The following CHN2 variants were observed in gnomAD, a reference collection of about 807,000 sequenced individuals.
CHN2 encodes chimerin 2.
A neutral mutation model predicts 56.3 loss-of-function variants in CHN2; 35 were observed. The ratio of observed to expected loss-of-function variants is 0.62; its 90% CI spans 0.47 to 0.82. CHN2 has a LOEUF of 0.82. Ranked by LOEUF, CHN2 falls within the 40% of genes least tolerant of loss-of-function variation. CHN2 has a pLI of 0.00. For missense variants in CHN2, 491 were observed against 580.5 expected (o/e 0.85, Z 1.58); for synonymous variants, 210 against 212.8 (o/e 0.99, Z 0.12).
chr7:29,404,109 T>C (rs1046793702), intron 6 of CHN2, among the ~76,000 whole-genome samples: 13 of 152,172 alleles, frequency 8.5e-5, no homozygotes, highest in African/African-American at 2.9e-4. Flanking sequence ...ACTGAGCAGT[T>C]GTGCCTCATT....
At chr7:29,147,179 C>T in intron 2 of CHN2, 1 of 626,050 alleles carries the variant, frequency 1.6e-6, no homozygotes, top group Non-Finnish European at 2.7e-6. Context: ...TCGAGCCAGA[C>T]AGTACGGGAG....
At chr7:29,295,472 A>T (rs1793068529) in intron 1 of CHN2, among the ~76,000 whole-genome samples, 1 of 152,116 alleles carries the variant, frequency 6.6e-6, no homozygotes, top group Non-Finnish European at 1.5e-5. Context: ...CTTTAAAAAA[A>T]AAAATCAGGG....
intron 6 of CHN2, among the ~76,000 whole-genome samples, chr7:29,433,771 G>A (rs2065085039): frequency 1.3e-5 from 2 of 151,770 alleles, no homozygotes; most frequent in Non-Finnish European, 2.9e-5. Flanking sequence ...CCCAGGAGAC[G>A]GAGGTTGCAA....
rs148092270 is a variant in CHN2, at chr7:29,276,367, C to G, written c.50-78258C>G. Among the ~76,000 whole-genome samples the G allele has an allele frequency of 4.6e-4, 70 of 152,244 alleles. No individual in the cohort carries two copies. The East Asian group carries it at 0.011, about 25-fold the overall frequency. On this transcript the variant is annotated intron_variant, in intron 1 of 12. Transcript: ENST00000222792. ...TTTCTCAGGTTGACTGGAGGCTGTC[C>G]CATGGGGCCTGGATATTATTTCCCT...
Position 29,203,985 on chromosome 7 carries a change from C to T in CHN2, c.49+8995C>T, listed in dbSNP as rs898470988. On this transcript the variant is annotated intron_variant, in intron 1 of 12. Transcript: ENST00000222792. ...TGTATTTTTGTTAGATTTATGTATA[C>T]GCCTCCTTCCAAAGAAAGCCTGCAA... 6.6e-5 allele frequency among the ~76,000 whole-genome samples: 10 copies of T among 151,946 alleles called. No individual in the cohort carries two copies. The South Asian group carries it at 1.7e-3, about 25-fold the overall frequency.
At chr7:29,396,076 A>G (rs1256358037) in intron 4 of CHN2, among the ~76,000 whole-genome samples, 2 of 152,182 alleles carry the variant, frequency 1.3e-5, no homozygotes, top group Non-Finnish European at 2.9e-5. Context: ...TACAATAATT[A>G]TATATCAATT....
rs536336188 is a variant in CHN2, at chr7:29,326,082, T to C, written c.50-28543T>C. ...ACTATAGTTGGCTGTGTGTCCTATA[T>C]GCAAGTCACGTCACCTCTTTGGGTC... On this transcript the variant is annotated intron_variant, in intron 1 of 12. Coordinates refer to ENST00000222792, the MANE Select transcript of CHN2 (RefSeq NM_004067.4). Among the ~76,000 whole-genome samples, 5 of 152,340 alleles carry C rather than the reference T, an allele frequency of 3.3e-5. No homozygotes were observed. The East Asian group carries it at 5.8e-4, about 18-fold the overall frequency.
rs1787128654 is a variant in CHN2 at position 29,235,631 on chromosome 7, C to T, written c.49+40641C>T. 2.0e-5 allele frequency among the ~76,000 whole-genome samples: 3 copies of T among 152,284 alleles called. No individual in the cohort carries two copies. In the South Asian group the frequency reaches 6.2e-4, roughly 32 times the overall value. On this transcript the variant is annotated intron_variant, in intron 1 of 12. Transcript: ENST00000222792. Reference sequence around the variant, plus strand: ...ATTCACAATAGCAAAGACATGGAATCAATGTAGATGTCTATCAACAGCAAA... The same window carrying T: ...ATTCACAATAGCAAAGACATGGAATTAATGTAGATGTCTATCAACAGCAAA...
chr7:29,406,856 C>T (rs1176227784), intron 6 of CHN2, among the ~76,000 whole-genome samples: 1 of 152,182 alleles, frequency 6.6e-6, no homozygotes, highest in Non-Finnish European at 1.5e-5. Flanking sequence ...CAGTGGGAGG[C>T]AGAGGCTACT....
chr7:29,445,168 G>A (rs1321946100), intron 6 of CHN2: 1 of 455,816 alleles, frequency 2.2e-6, no homozygotes, highest in Non-Finnish European at 4.4e-6. Flanking sequence ...GTACATGTAA[G>A]TAGACTAGTG....
rs190685112 is a variant in CHN2 at position 29,211,805 on chromosome 7, C to G, written c.49+16815C>G. The stretch of plus-strand genomic sequence containing the variant: ...TTGTTAATTTTTTTAACTTGCTACA[C>G]TGCGTAGCACTATTTTATTGAATGA... On this transcript the variant is annotated intron_variant, in intron 1 of 12. Coordinates refer to ENST00000222792, the MANE Select transcript of CHN2 (RefSeq NM_004067.4). 2.0e-3 allele frequency among the ~76,000 whole-genome samples: 299 copies of G among 152,012 alleles called. 1 individual carries two copies. The highest frequency in any genetic ancestry group is 7.0e-3 in the African/African-American group (291 of 41,436).
At chr7:29,453,987 A>G (rs988427282) in intron 6 of CHN2, among the ~76,000 whole-genome samples, 1 of 152,150 alleles carries the variant, frequency 6.6e-6, no homozygotes, top group African/African-American at 2.4e-5. Flanking sequence ...TCCACCTCAT[A>G]TAAATGGCCC....
intron 1 of CHN2, among the ~76,000 whole-genome samples, chr7:29,325,661 T>C (rs1168857226): frequency 6.6e-6 from 1 of 152,240 alleles, no homozygotes; most frequent in Non-Finnish European, 1.5e-5. Context: ...TTTGCAAAGC[T>C]GCTAACTCAG....
At chr7:29,504,852 A>T (rs73684725) in intron 10 of CHN2, 31 bp downstream of exon 10, 2 of 1,452,868 alleles carry the variant, frequency 1.4e-6, no homozygotes, top group South Asian at 2.3e-5. Context: ...ATGCCATCTG[A>T]CATCCTAACA....
intron 3 of CHN2, among the ~76,000 whole-genome samples, chr7:29,390,812 C>G (rs1801304467): frequency 6.6e-6 from 1 of 152,166 alleles, no homozygotes; most frequent in African/African-American, 2.4e-5. Flanking sequence ...CACGGAGGTT[C>G]TTAGTCTCTT....
intron 2 of CHN2, among the ~76,000 whole-genome samples, chr7:29,177,914 G>A (rs1321778052): frequency 6.6e-6 from 1 of 151,966 alleles, no homozygotes; most frequent in African/African-American, 2.4e-5. Context: ...TCACATGTCC[G>A]AAACACAACC....
intron 1 of CHN2, among the ~76,000 whole-genome samples, chr7:29,272,878 A>T (rs1341012190): frequency 1.3e-5 from 2 of 152,232 alleles, no homozygotes; most frequent in Non-Finnish European, 2.9e-5. Flanking sequence ...ACAATAGTAA[A>T]GCAAATTAAC....
intron 1 of CHN2, among the ~76,000 whole-genome samples, chr7:29,226,267 C>T (rs1786186850): frequency 6.6e-6 from 1 of 152,082 alleles, no homozygotes. Flanking sequence ...AACAAAAGTC[C>T]TTAAGTATTT....
intron 6 of CHN2, among the ~76,000 whole-genome samples, chr7:29,453,320 T>A (rs1784532406): frequency 6.6e-6 from 1 of 152,162 alleles, no homozygotes; most frequent in Admixed American, 6.5e-5. Context: ...TAATCTCCTT[T>A]TTTGTAGGGC....
Sources: gnomAD v4.1 joint callset for allele counts (sites outside exome capture counted in the v4.1 genomes callset) on GRCh38, gnomAD v4.1.1 for gene constraint, MANE v1.5 for transcripts, NCBI Gene and HGNC (gene_info 2026-07-23, HGNC 2026-07-21) for gene names.